The following PIBF1 variants were observed in gnomAD, a reference collection of about 807,000 sequenced individuals.
The protein encoded by PIBF1 is progesterone-induced-blocking factor 1.
PIBF1 carries 90 observed loss-of-function variants against 112.5 expected under a neutral mutation model. The ratio of observed to expected loss-of-function variants is 0.80; its 90% CI spans 0.67 to 0.95. PIBF1 has a LOEUF of 0.95. Among genes scored for constraint, PIBF1 ranks in the 40% least tolerant of loss-of-function variants. The pLI is 0.00. For missense variants in PIBF1, 915 were observed against 852.3 expected, an observed-to-expected ratio of 1.07 and a Z score of -0.92; for synonymous variants, 301 against 288.6, an observed-to-expected ratio of 1.04 and a Z score of -0.44.
intron 14 of PIBF1, among the ~76,000 whole-genome samples, chr13:72,949,300 CTTTTTTTTTTTTTT>C (rs71099771): frequency 1.8e-4 from 10 of 54,952 alleles, no homozygotes; most frequent in Admixed American, 3.3e-4. Context: ...AAATAGCTGT[CTTTTTTTTTTTTTT>C]TTTTTTTTTT....
chr13:72,916,520 T>C (rs1039927588), intron 12 of PIBF1, among the ~76,000 whole-genome samples: 1 of 151,678 alleles, frequency 6.6e-6, no homozygotes, highest in African/African-American at 2.4e-5. Flanking sequence ...AGTGTGACAA[T>C]AGCAGAATTT....
intron 14 of PIBF1, among the ~76,000 whole-genome samples, chr13:72,959,520 C>G (rs2042548486): frequency 6.6e-6 from 1 of 152,092 alleles, no homozygotes; most frequent in Non-Finnish European, 1.5e-5. Flanking sequence ...ATGTTAAATT[C>G]CACTCAGCAG....
At chr13:72,909,855 C>G (rs1209626061) in intron 12 of PIBF1, among the ~76,000 whole-genome samples, 1 of 152,094 alleles carries the variant, frequency 6.6e-6, no homozygotes, top group Non-Finnish European at 1.5e-5. Flanking sequence ...AATCTTTGAT[C>G]TTTAATTTCT....
Position 72,976,862 on chromosome 13 carries a change from A to AT in PIBF1, c.2049+3196dup, listed in dbSNP as rs1485015005. 5.9e-5 allele frequency among the ~76,000 whole-genome samples: 9 copies of AT among 151,622 alleles called. No individual in the cohort carries two copies. The East Asian group carries it at 9.7e-4, about 16-fold the overall frequency. ...ATAACATTGGTTAAGAATAATTCTG[A>AT]TTTTTTTTTGAAAATGAAAATCAGG... is the stretch of plus-strand genomic sequence containing the variant. On this transcript the variant is annotated intron_variant, in intron 16 of 17. Transcript: ENST00000326291.
chr13:72,787,798 G>A (rs2034682474), intron 2 of PIBF1, among the ~76,000 whole-genome samples: 1 of 152,056 alleles, frequency 6.6e-6, no homozygotes, highest in African/African-American at 2.4e-5. Context: ...AGCTGGGACT[G>A]TAGGCCCGTG....
intron 17 of PIBF1, among the ~76,000 whole-genome samples, chr13:73,012,150 G>A (rs184693680): frequency 1.6e-4 from 25 of 152,138 alleles, no homozygotes; most frequent in Admixed American, 1.3e-3. Context: ...TCAGGAGGTC[G>A]AGACCAGCCT....
At chr13:72,863,466 A>T (rs1454747527) in intron 10 of PIBF1, among the ~76,000 whole-genome samples, 1 of 151,610 alleles carries the variant, frequency 6.6e-6, no homozygotes, top group Admixed American at 6.6e-5. Flanking sequence ...CCTGGCTAAC[A>T]CGGTGAAACC....
intron 5 of PIBF1, among the ~76,000 whole-genome samples, chr13:72,819,896 G>T (rs1218108692): frequency 4.0e-5 from 6 of 151,698 alleles, no homozygotes; most frequent in Non-Finnish European, 8.8e-5. Flanking sequence ...CACACCCCTG[G>T]TTTACCCATT....
chr13:72,989,197 G>A (rs1270655108), intron 16 of PIBF1, among the ~76,000 whole-genome samples: 1 of 152,114 alleles, frequency 6.6e-6, no homozygotes, highest in Admixed American at 6.6e-5. Context: ...GCAGCTCTAT[G>A]CCCAGGTATA....
At chr13:72,849,710 A>G (rs2038044084) in intron 9 of PIBF1, among the ~76,000 whole-genome samples, 1 of 152,214 alleles carries the variant, frequency 6.6e-6, no homozygotes, top group Admixed American at 6.5e-5. Context: ...CAAGGAGAAA[A>G]CATCTGTGAA....
Position 72,851,448 on chromosome 13 carries a change from C to T in PIBF1, c.1224-2609C>T, listed in dbSNP as rs184680423. 5.8e-4 allele frequency among the ~76,000 whole-genome samples: 88 copies of T among 152,356 alleles called. No individual in the cohort carries two copies. The East Asian group carries it at 0.016, about 28-fold the overall frequency. On this transcript the variant is annotated intron_variant, in intron 9 of 17. Coordinates refer to ENST00000326291, the MANE Select transcript of PIBF1 (RefSeq NM_006346.4). ...CTGACACCCCAGCCCCCTGCCACCT[C>T]GGCCTCCTCTGGACTTTGGACACTG...
intron 17 of PIBF1, among the ~76,000 whole-genome samples, chr13:73,010,342 C>G (rs921402384): frequency 1.3e-5 from 2 of 150,744 alleles, no homozygotes; most frequent in African/African-American, 4.9e-5. Flanking sequence ...GTGGCTCACA[C>G]CTGTAATCCT....
chr13:72,820,398 TC>T (rs1256196346), intron 5 of PIBF1, among the ~76,000 whole-genome samples: 2 of 152,174 alleles, frequency 1.3e-5, no homozygotes, highest in Non-Finnish European at 2.9e-5. Flanking sequence ...TATGTGATGA[TC>T]TTTCGGGAGG....
chr13:72,985,800 T>A (rs2043270876), intron 16 of PIBF1, among the ~76,000 whole-genome samples: 4 of 151,878 alleles, frequency 2.6e-5, no homozygotes. Context: ...AAGTCTGAAG[T>A]TGATGCTGAA....
chr13:72,995,081 C>T (rs1254574915), intron 16 of PIBF1, among the ~76,000 whole-genome samples: 1 of 152,004 alleles, frequency 6.6e-6, no homozygotes, highest in Admixed American at 6.6e-5. Flanking sequence ...GTGGGTGAAT[C>T]ATGAGGTCAG....
At chr13:72,976,328 G>GA (rs2043021628) in intron 16 of PIBF1, among the ~76,000 whole-genome samples, 1 of 151,412 alleles carries the variant, frequency 6.6e-6, no homozygotes, top group East Asian at 2.0e-4. Context: ...AGGAGAGGAA[G>GA]AAGAAGAAGG....
rs369418011 is a variant in PIBF1 at position 72,810,202 on chromosome 13, TAGC to T, written c.673-11644_673-11642del. On this transcript the variant is annotated intron_variant, in intron 5 of 17. Transcript: ENST00000326291. ...TTTCCTATTTATGAATTTTCTCTAT[TAGC>T]AGGTCAAAATTTTGGTTGATCACAT... 3.5e-3 allele frequency among the ~76,000 whole-genome samples: 531 copies of T among 152,304 alleles called. 2 individuals carry two copies. The highest frequency in any genetic ancestry group is 0.012 in the African/African-American group (507 of 41,568).
chr13:72,796,406 G>A (rs1002004901), intron 4 of PIBF1, among the ~76,000 whole-genome samples: 1 of 152,124 alleles, frequency 6.6e-6, no homozygotes, highest in African/African-American at 2.4e-5. Context: ...ACCCTGAGAG[G>A]CTTGAATTTT....
chr13:72,989,755 T>C (rs1368108140), intron 16 of PIBF1, among the ~76,000 whole-genome samples: 1 of 152,186 alleles, frequency 6.6e-6, no homozygotes, highest in Non-Finnish European at 1.5e-5. Context: ...ACACTTCAAA[T>C]GGATGAACTG....
Sources: gnomAD v4.1 joint callset for allele counts (sites outside exome capture counted in the v4.1 genomes callset) on GRCh38, gnomAD v4.1.1 for gene constraint, MANE v1.5 for transcripts, NCBI Gene and HGNC (gene_info 2026-07-23, HGNC 2026-07-21) for gene names.